SYCP1: variants seen among roughly 807,000 people sequenced by gnomAD.
SYCP1 encodes synaptonemal complex protein 1.
A neutral mutation model predicts 153.1 loss-of-function variants in SYCP1; 64 were observed. That is an observed-to-expected ratio of 0.42 (90% CI 0.34 to 0.51). The LOEUF (loss-of-function observed/expected upper bound fraction) is 0.51, where lower values mean the gene tolerates loss of function less well. Ranked by LOEUF, SYCP1 falls within the 20% of genes least tolerant of loss-of-function variation. The pLI is 0.06. For missense variants in SYCP1, 997 were observed against 1,049.0 expected (o/e 0.95, Z 0.68); for synonymous variants, 384 against 341.8 (o/e 1.12, Z -1.36).
At chr1:114,928,856 G>T (rs1669436695) in intron 23 of SYCP1, among the ~76,000 whole-genome samples, 1 of 152,140 alleles carries the variant, frequency 6.6e-6, no homozygotes, top group African/African-American at 2.4e-5. Flanking sequence ...AGCTGTCTTA[G>T]TTTAGGTTTC....
At chr1:114,980,622 AAGTT>A (rs1246179257) in intron 28 of SYCP1, among the ~76,000 whole-genome samples, 6 of 151,942 alleles carry the variant, frequency 3.9e-5, no homozygotes, top group Non-Finnish European at 7.4e-5. Context: ...GAACGAATGA[AAGTT>A]AGAATAGATT....
chr1:114,856,519 A>G (rs542348777), intron 2 of SYCP1, 54 bp from the exon 3 acceptor site: 64 of 1,214,098 alleles, frequency 5.3e-5, no homozygotes, highest in South Asian at 3.0e-4. Context: ...TTACACTATT[A>G]GTATATCAGA....
rs1368210959 is a variant in SYCP1, at chr1:114,942,972, T to C, written c.1927-1367T>C. 3.3e-5 allele frequency among the ~76,000 whole-genome samples: 5 copies of C among 151,792 alleles called. No individual in the cohort carries two copies. In the East Asian group the frequency reaches 9.6e-4, roughly 29 times the overall value. ...AGAAGAAAATGAAGCACCAAGTACA[T>C]AAATGAGTAAAATATATGAACAGAG... On this transcript the variant is annotated intron_variant, in intron 23 of 31. Transcript: ENST00000369522.
At chr1:114,887,816 T>C (rs1385410101) in intron 15 of SYCP1, 123 bp downstream of exon 15, 8 of 559,356 alleles carry the variant, frequency 1.4e-5, no homozygotes, top group Non-Finnish European at 2.0e-5. Flanking sequence ...TGCTTGATAA[T>C]ATTTTTATTT....
chr1:114,977,274 A>G (rs1672856744), intron 27 of SYCP1, among the ~76,000 whole-genome samples: 1 of 151,682 alleles, frequency 6.6e-6, no homozygotes, highest in Non-Finnish European at 1.5e-5. Context: ...CATTAGCTTT[A>G]TTTTACAAAT....
At chr1:114,934,974 A>C (rs1047048614) in intron 23 of SYCP1, among the ~76,000 whole-genome samples, 22 of 152,112 alleles carry the variant, frequency 1.4e-4, no homozygotes, top group Non-Finnish European at 2.1e-4. Context: ...TTTAACACCC[A>C]ACTGTCAACA....
chr1:114,855,890 A>C (rs1663904665), intron 2 of SYCP1, among the ~76,000 whole-genome samples: 1 of 152,178 alleles, frequency 6.6e-6, no homozygotes, highest in Non-Finnish European at 1.5e-5. Flanking sequence ...GTTAGGATAA[A>C]ATTAGGAAAA....
At chr1:114,913,932 TG>T (rs1417990746) in intron 19 of SYCP1, 42 bp from the exon 20 acceptor site, 2 of 1,386,666 alleles carry the variant, frequency 1.4e-6, no homozygotes, top group Non-Finnish European at 1.9e-6. Context: ...ATTTTATTTT[TG>T]TTTAAACAAA....
At chr1:114,881,676 A>AT (rs1210270274) in intron 12 of SYCP1, among the ~76,000 whole-genome samples, 2 of 151,886 alleles carry the variant, frequency 1.3e-5, no homozygotes, top group Non-Finnish European at 2.9e-5. Context: ...TAATTTTAAC[A>AT]TTTTTTGTAG....
intron 29 of SYCP1, among the ~76,000 whole-genome samples, chr1:114,984,135 C>G (rs911687327): frequency 6.6e-6 from 1 of 151,976 alleles, no homozygotes; most frequent in Non-Finnish European, 1.5e-5. Flanking sequence ...TTTGAACTGG[C>G]CTCAAGCAAT....
At chr1:114,855,682 T>C (rs978095046) in intron 2 of SYCP1, 110 bp downstream of exon 2, 2 of 844,642 alleles carry the variant, frequency 2.4e-6, no homozygotes, top group African/African-American at 3.4e-5. Context: ...CAATAAATGG[T>C]CTCATTTACC....
chr1:114,926,407 G>A, intron 22 of SYCP1, 67 bp downstream of exon 22: 1 of 1,476,734 alleles, frequency 6.8e-7, no homozygotes, highest in Non-Finnish European at 9.0e-7. Flanking sequence ...AGAGAATAAT[G>A]CTTTCCCTTC....
chr1:114,964,185 C>T (rs1201100089), intron 27 of SYCP1, among the ~76,000 whole-genome samples: 1 of 151,994 alleles, frequency 6.6e-6, no homozygotes, highest in Non-Finnish European at 1.5e-5. Context: ...TGAGAAGTGT[C>T]TCTTCATATC....
At chr1:114,966,291 C>A (rs952236246) in intron 27 of SYCP1, among the ~76,000 whole-genome samples, 1 of 151,986 alleles carries the variant, frequency 6.6e-6, no homozygotes, top group African/African-American at 2.4e-5. Flanking sequence ...TTTCAAAAAA[C>A]CAGCTCCTAG....
chr1:114,947,357 G>A (rs754001074), intron 27 of SYCP1, 37 bp downstream of exon 27: 1 of 1,457,450 alleles, frequency 6.9e-7, no homozygotes, highest in South Asian at 1.2e-5. Flanking sequence ...ATGATTACAA[G>A]GTTTAGGGGC....
intron 20 of SYCP1, among the ~76,000 whole-genome samples, chr1:114,922,902 A>T (rs978805901): frequency 5.3e-5 from 8 of 152,200 alleles, no homozygotes; most frequent in African/African-American, 1.4e-4. Flanking sequence ...AAATACTCCC[A>T]TTCCAAAATG....
chr1:114,966,284 C>A (rs1199478360), intron 27 of SYCP1, among the ~76,000 whole-genome samples: 6 of 151,834 alleles, frequency 4.0e-5, no homozygotes, highest in East Asian at 1.9e-4. Context: ...TTAATCTTTT[C>A]AAAAAACCAG....
At chr1:114,913,553 T>A (rs17032967) in intron 19 of SYCP1, among the ~76,000 whole-genome samples, 4,679 of 152,178 alleles carry the variant, frequency 0.031, 224 homozygotes, top group African/African-American at 0.11. Context: ...GTCATATATG[T>A]TGTTAGTGGG....
intron 8 of SYCP1, among the ~76,000 whole-genome samples, chr1:114,861,185 G>A (rs886690039): frequency 3.9e-5 from 6 of 152,094 alleles, no homozygotes; most frequent in African/African-American, 1.4e-4. Flanking sequence ...TTGTATTTAT[G>A]AATAGTGGTG....
Sources: allele counts gnomAD v4.1 joint callset (sites outside exome capture counted in the v4.1 genomes callset), GRCh38; gene constraint gnomAD v4.1.1; transcripts MANE v1.5; gene names NCBI Gene and HGNC (gene_info 2026-07-23, HGNC 2026-07-21).